The following RAB21 variants were observed in gnomAD, a reference collection of about 807,000 sequenced individuals.
The protein encoded by RAB21 is ras-related protein Rab-21.
A neutral mutation model predicts 33.1 loss-of-function variants in RAB21; 13 were observed. That is an observed-to-expected ratio of 0.39 (90% CI 0.26 to 0.62). RAB21 has a LOEUF of 0.62. Ranked by LOEUF, RAB21 falls within the 20% of genes least tolerant of loss-of-function variation. RAB21 has a pLI of 0.48. For missense variants in RAB21, 234 were observed against 279.1 expected (o/e 0.84, Z 1.15); for synonymous variants, 91 against 103.7 (o/e 0.88, Z 0.74).
chr12:71,794,444 T>A lies in RAB21; in HGVS notation c.*8771T>A, dbSNP rs1467805603. On this transcript the variant is annotated 3_prime_UTR_variant, in exon 7 of 7. Transcript: ENST00000261263. ...ATATATATATTTTTTTTTTTTTTTT[T>A]TTTTTTTTTTTTGAGACGGAGTCTC... 2 of 116,456 alleles carry A rather than the reference T, an allele frequency of 1.7e-5. No homozygotes were observed. The highest frequency in any genetic ancestry group is 3.1e-4 in the South Asian group (1 of 3,254). 7.2% of individuals were successfully genotyped at this position (116,456 alleles called of 1,614,324 possible). A position where few individuals can be genotyped will look rare whatever the true frequency, so the allele number is the denominator to read the frequency against.
chr12:71,793,876 C>G lies in RAB21; in HGVS notation c.*8203C>G, dbSNP rs117796723. 20 of 152,306 alleles carry G rather than the reference C, an allele frequency of 1.3e-4. No homozygotes were observed. In the East Asian group the frequency reaches 3.9e-3, roughly 29 times the overall value. 9.4% of individuals were successfully genotyped at this position (152,306 alleles called of 1,614,324 possible). ...CTTTGGTATGTTGCCTTGAGGCTGA[C>G]ATTTGCTGCTCTGCTAAGACTAAAG... On this transcript the variant is annotated 3_prime_UTR_variant, in exon 7 of 7. Transcript: ENST00000261263.
Position 71,797,082 on chromosome 12 carries a change from T to A in RAB21, c.*11409T>A, listed in dbSNP as rs1457985173. The A allele has an allele frequency of 6.6e-6, 1 of 152,162 alleles. No homozygotes were observed. The highest frequency in any genetic ancestry group is 2.1e-4 in the South Asian group (1 of 4,832). The allele number at this position is 152,162 out of a possible 1,614,324, so 9.4% of individuals were successfully genotyped here. ...GGGGTTAGTCATAAACCATTCTATG[T>A]GGAGCATTTTACAGGGGCTCTGAAA... is the stretch of plus-strand genomic sequence containing the variant. On this transcript the variant is annotated 3_prime_UTR_variant, in exon 7 of 7. Coordinates refer to ENST00000261263, the MANE Select transcript of RAB21 (RefSeq NM_014999.4).
At chr12:71,776,453 T>C (rs1451416147) in intron 4 of RAB21, among the ~76,000 whole-genome samples, 4 of 152,174 alleles carry the variant, frequency 2.6e-5, no homozygotes, top group Non-Finnish European at 4.4e-5. Context: ...TTAAAAATGT[T>C]TATATAGTGT....
In RAB21 at chr12:71,785,879, GT is replaced by G. The variant is rs372241474; in HGVS notation, c.*215del. On this transcript the variant is annotated 3_prime_UTR_variant, in exon 7 of 7. Transcript: ENST00000261263. The stretch of plus-strand genomic sequence containing the variant: ...CAGAGAATTGGCATTTTCTACAAAT[GT>G]TTTTTTTTGTTTTTTTTTTGTTTTT... 0.013 allele frequency: 5,041 copies of G among 396,754 alleles called. 211 individuals carry two copies. The highest frequency in any genetic ancestry group is 0.095 in the African/African-American group (4,056 of 42,652). The allele number at this position is 396,754 out of a possible 1,614,324, so 24.6% of individuals were successfully genotyped here. A position where few individuals can be genotyped will look rare whatever the true frequency, so the allele number is the denominator to read the frequency against.
At chr12:71,762,136 T>C (rs1448005658) in intron 1 of RAB21, among the ~76,000 whole-genome samples, 2 of 152,220 alleles carry the variant, frequency 1.3e-5, no homozygotes, top group Non-Finnish European at 2.9e-5. Context: ...TATATCTGAC[T>C]GCCATTTTCT....
intron 1 of RAB21, among the ~76,000 whole-genome samples, chr12:71,759,160 A>G (rs1882833711): frequency 6.6e-6 from 1 of 152,206 alleles, no homozygotes; most frequent in South Asian, 2.1e-4. Context: ...ATTTGCTCCA[A>G]TAGTTAAGCC....
chr12:71,769,957 T>A (rs1353292947), intron 2 of RAB21, 98 bp downstream of exon 2: 10 of 510,518 alleles, frequency 2.0e-5, no homozygotes, highest in Admixed American at 8.4e-5. Flanking sequence ...TTTTTTTTTT[T>A]AATTAAAAAG....
At position 71,755,126 on chromosome 12, in the gene RAB21, CG is replaced by C; in HGVS notation, c.-1del. On this transcript the variant is annotated 5_prime_UTR_variant, in exon 1 of 7. Coordinates refer to ENST00000261263, the MANE Select transcript of RAB21 (RefSeq NM_014999.4). Reference sequence around the variant, plus strand: ...TCGGGCTCGGGCGGCCGGGAAGCGACGGGATGGCTGCGGCCGGCGGCGGCGG... The same window carrying C: ...TCGGGCTCGGGCGGCCGGGAAGCGACGGATGGCTGCGGCCGGCGGCGGCGG... The C allele has an allele frequency of 8.3e-7, 1 of 1,207,896 alleles. No homozygotes were observed. Among genetic ancestry groups the C allele is most frequent in the Non-Finnish European group, 1.0e-6 (1 of 973,846 alleles). The allele number at this position is 1,207,896 out of a possible 1,614,324, so 74.8% of individuals were successfully genotyped here.
intron 6 of RAB21, 144 bp from the exon 7 acceptor site, chr12:71,785,387 A>T (rs328740): frequency 2.2e-6 from 2 of 901,422 alleles, no homozygotes; most frequent in African/African-American, 3.4e-5. Context: ...AAGCTGTTTT[A>T]GTGAGCTGAC....
chr12:71,777,414 A>G (rs1204311288), intron 4 of RAB21, among the ~76,000 whole-genome samples: 4 of 152,160 alleles, frequency 2.6e-5, no homozygotes, highest in African/African-American at 9.7e-5. Flanking sequence ...TTAATCTATG[A>G]ATACTCCACA....
intron 1 of RAB21, among the ~76,000 whole-genome samples, chr12:71,765,837 A>G (rs1882952831): frequency 6.6e-6 from 1 of 151,936 alleles, no homozygotes; most frequent in Admixed American, 6.6e-5. Context: ...GTTTGTTGCT[A>G]TCTTGATGTT....
Position 71,797,860 on chromosome 12 carries a change from A to C in RAB21, c.*12187A>C. The C allele has an allele frequency of 6.6e-6, 1 of 152,214 alleles. No individual in the cohort carries two copies. Among genetic ancestry groups the C allele is most frequent in the East Asian group, 1.9e-4 (1 of 5,154 alleles). The allele number at this position is 152,214 out of a possible 1,614,324, so 9.4% of individuals were successfully genotyped here. Reference sequence around the variant, plus strand: ...ATATGGTTTATTCATTAAAGGTAGTAGGACACTTGGGTAGCTATAGAGAAC... The same window carrying C: ...ATATGGTTTATTCATTAAAGGTAGTCGGACACTTGGGTAGCTATAGAGAAC... On this transcript the variant is annotated 3_prime_UTR_variant, in exon 7 of 7. Transcript: ENST00000261263.
chr12:71,765,423 T>C (rs2137643345), intron 1 of RAB21, among the ~76,000 whole-genome samples: 1 of 152,340 alleles, frequency 6.6e-6, no homozygotes, highest in Admixed American at 6.5e-5. Flanking sequence ...CTGCTGAGTA[T>C]TTATTTTGCT....
intron 5 of RAB21, 52 bp downstream of exon 5, chr12:71,782,137 T>C: frequency 2.0e-6 from 3 of 1,493,940 alleles, no homozygotes; most frequent in Non-Finnish European, 1.9e-6. Context: ...GAAATCTTCC[T>C]CTTTATACGT....
chr12:71,762,914 C>G (rs1882899410), intron 1 of RAB21, among the ~76,000 whole-genome samples: 1 of 152,080 alleles, frequency 6.6e-6, no homozygotes, highest in Non-Finnish European at 1.5e-5. Context: ...TTTTTATTGC[C>G]TTGCTAGAGA....
chr12:71,762,800 C>A (rs1882897038), intron 1 of RAB21, among the ~76,000 whole-genome samples: 1 of 151,756 alleles, frequency 6.6e-6, no homozygotes, highest in African/African-American at 2.4e-5. Context: ...CAGGCTGGTC[C>A]CGAACTCCTG....
Position 71,755,100 on chromosome 12 carries a change from C to G in RAB21, c.-30C>G, listed in dbSNP as rs1006907485. 6.8e-5 allele frequency: 76 copies of G among 1,112,192 alleles called. No homozygotes were observed. Among genetic ancestry groups the G allele is most frequent in the African/African-American group, 3.3e-4 (20 of 60,026 alleles). 68.9% of individuals were successfully genotyped at this position (1,112,192 alleles called of 1,614,324 possible). On this transcript the variant is annotated 5_prime_UTR_variant, in exon 1 of 7. Transcript: ENST00000261263. ...CGGCTGTCGGGAGGGCGGCGCGACA[C>G]TCGGGCTCGGGCGGCCGGGAAGCGA...
At chr12:71,766,170 C>T (rs972463438) in intron 1 of RAB21, among the ~76,000 whole-genome samples, 1 of 152,036 alleles carries the variant, frequency 6.6e-6, no homozygotes, top group African/African-American at 2.4e-5. Context: ...CATTGATTTA[C>T]CTGGGCATAT....
At position 71,782,023 on chromosome 12, in the gene RAB21, C is replaced by T; in HGVS notation, c.392-8C>T. 1 of 1,580,466 alleles carries T rather than the reference C, an allele frequency of 6.3e-7. No individual in the cohort carries two copies. ...TATAAAGATAAATATTTACTTTTTT[C>T]AAAATAGGTAATAAAATAGACTTGG... On this transcript the variant is annotated splice_polypyrimidine_tract_variant and splice_region_variant and intron_variant, in intron 4 of 6. Transcript: ENST00000261263.
Sources: allele counts gnomAD v4.1 joint callset (sites outside exome capture counted in the v4.1 genomes callset), GRCh38; gene constraint gnomAD v4.1.1; transcripts MANE v1.5; gene names NCBI Gene and HGNC (gene_info 2026-07-23, HGNC 2026-07-21).